The following ADCY1 variants were observed in gnomAD, a reference collection of about 807,000 sequenced individuals.
ADCY1 encodes adenylate cyclase 1.
Under a neutral mutation model 105.4 loss-of-function variants are expected in ADCY1, and 28 were observed. The observed-to-expected ratio is 0.27, with a 90% confidence interval of 0.20 to 0.36. The LOEUF is 0.36. Ranked by LOEUF, ADCY1 falls within the 10% of genes least tolerant of loss-of-function variation. The probability of loss-of-function intolerance (pLI) is 1.00; values close to 1 mark genes in which losing one functional copy is unlikely to be tolerated. For missense variants in ADCY1, 977 were observed against 1,434.2 expected, an observed-to-expected ratio of 0.68 and a Z score of 5.15; for synonymous variants, 655 against 623.8, an observed-to-expected ratio of 1.05 and a Z score of -0.75.
At chr7:45,637,419 T>C (rs944749005) in intron 4 of ADCY1, among the ~76,000 whole-genome samples, 5 of 152,260 alleles carry the variant, frequency 3.3e-5, no homozygotes, top group African/African-American at 1.2e-4. Context: ...TTGTGTTTTA[T>C]GTATCTGCCT....
At chr7:45,684,924 C>T (rs1238216045) in intron 11 of ADCY1, 55 bp from the exon 12 acceptor site, 19 of 1,505,364 alleles carry the variant, frequency 1.3e-5, no homozygotes, top group Admixed American at 3.3e-5. Context: ...TAACTGTGCA[C>T]GTGAATCACC....
intron 11 of ADCY1, among the ~76,000 whole-genome samples, chr7:45,681,609 C>T (rs977352951): frequency 6.6e-6 from 1 of 152,188 alleles, no homozygotes; most frequent in African/African-American, 2.4e-5. Context: ...GGATTCAGCT[C>T]ACAGCCAGTG....
intron 11 of ADCY1, among the ~76,000 whole-genome samples, chr7:45,681,547 A>G (rs1247542579): frequency 6.6e-6 from 1 of 152,180 alleles, no homozygotes; most frequent in African/African-American, 2.4e-5. Flanking sequence ...CTGTTGTGGA[A>G]GAAGCAGAGT....
rs943646432 is a variant in ADCY1 at position 45,622,552 on chromosome 7, A to G, written c.909-80A>G. 19 of 989,244 alleles carry G rather than the reference A, an allele frequency of 1.9e-5. No homozygotes were observed. The East Asian group carries it at 4.2e-4, about 22-fold the overall frequency. The allele number at this position is 989,244 out of a possible 1,614,324, so 61.3% of individuals were successfully genotyped here. A position where few individuals can be genotyped will look rare whatever the true frequency, so the allele number is the denominator to read the frequency against. ...TGATTGATTCTACAGTGATTTGGAGATGTAAACATCTGTACATCTCTAGGG... is the reference window on the plus strand; with the variant it reads ...TGATTGATTCTACAGTGATTTGGAGGTGTAAACATCTGTACATCTCTAGGG... On this transcript the variant is annotated intron_variant, in intron 3 of 19. Transcript: ENST00000297323.
rs147755613 is a variant in ADCY1 at position 45,721,437 on chromosome 7, T to C, written c.*7442T>C. 2.6e-6 allele frequency: 1 copy of C among 379,474 alleles called. No individual in the cohort carries two copies. The highest frequency in any genetic ancestry group is 2.1e-5 in the African/African-American group (1 of 48,476). The allele number at this position is 379,474 out of a possible 1,614,324, so 23.5% of individuals were successfully genotyped here. ...TGCGTCTAATTTCAAATATACAGAA[T>C]CTCCTTAAGAGCTGTTGCCTTATTT... On this transcript the variant is annotated 3_prime_UTR_variant, in exon 20 of 20. Coordinates refer to ENST00000297323, the MANE Select transcript of ADCY1 (RefSeq NM_021116.4).
At chr7:45,641,400 C>T (rs983346891) in intron 4 of ADCY1, among the ~76,000 whole-genome samples, 2 of 152,192 alleles carry the variant, frequency 1.3e-5, no homozygotes, top group African/African-American at 4.8e-5. Flanking sequence ...AATTCTCACC[C>T]GTAATGTAGC....
rs780863849 is a variant in ADCY1, at chr7:45,678,044, A to G, written c.1781A>G (p.His594Arg). Residue 594 changes from histidine to arginine, a missense_variant, in exon 9 of 20, where the codon CAT becomes CGT. Physicochemically the swap from His to Arg is conservative, Grantham distance 29 (BLOSUM62 0). This residue lies in a region of ADCY1 where 275 missense variants were observed against 362.1 expected (regional missense o/e 0.76). Coordinates refer to ENST00000297323, the MANE Select transcript of ADCY1 (RefSeq NM_021116.4). The stretch of plus-strand genomic sequence containing the variant: ...AACTTCTTTACCCTGAAGTACAAAC[A>G]TGTCGAACGGGAGCAAAAGGTAAGC... Reference protein sequence around the residue: ...DLNFFTLKYKHVEREQKYHQL... With the variant: ...DLNFFTLKYKRVEREQKYHQL... The G allele has an allele frequency of 1.9e-6, 3 of 1,614,000 alleles. No individual in the cohort carries two copies. Among genetic ancestry groups the G allele is most frequent in the Non-Finnish European group, 1.7e-6 (2 of 1,179,972 alleles).
In ADCY1 at chr7:45,686,633, T is replaced by C. The variant is rs1365332817; in HGVS notation, c.2414T>C (p.Val805Ala). The stretch of plus-strand genomic sequence containing the variant: ...GCGCTGGCCCTGCATGCCAGGCAGG[T>C]GGACATCAGGCTGAGGCTGGACTAC... ...SCALALHARQVDIRLRLDYLW... is the reference protein window; with the variant it reads ...SCALALHARQADIRLRLDYLW... Residue 805 changes from valine to alanine, a missense_variant, in exon 14 of 20, where the codon GTG (valine) becomes GCG (alanine). Physicochemically the swap from Val to Ala is moderately conservative, Grantham distance 64 (BLOSUM62 0). This residue lies in a region of ADCY1 where 152 missense variants were observed against 293.7 expected (regional missense o/e 0.52). Coordinates refer to ENST00000297323, the MANE Select transcript of ADCY1 (RefSeq NM_021116.4). The surrounding 1 kb of genome is among the most constrained non-coding windows in gnomAD (Gnocchi z 4.3). The C allele has an allele frequency of 6.2e-7, 1 of 1,613,238 alleles. No individual in the cohort carries two copies. Among genetic ancestry groups the C allele is most frequent in the African/African-American group, 1.3e-5 (1 of 75,010 alleles).
At chr7:45,617,929 T>A (rs1793783151) in intron 3 of ADCY1, among the ~76,000 whole-genome samples, 1 of 152,148 alleles carries the variant, frequency 6.6e-6, no homozygotes. Flanking sequence ...CAAAGCAATC[T>A]TGAGCAAAAA....
intron 4 of ADCY1, among the ~76,000 whole-genome samples, chr7:45,646,325 A>C (rs1404700380): frequency 6.6e-6 from 1 of 152,192 alleles, no homozygotes; most frequent in Non-Finnish European, 1.5e-5. Context: ...CCCACGCTGG[A>C]GTCCAGTGAA....
chr7:45,584,455 C>G (rs1003278685), intron 1 of ADCY1, among the ~76,000 whole-genome samples: 2 of 152,162 alleles, frequency 1.3e-5, no homozygotes, highest in Non-Finnish European at 2.9e-5. Flanking sequence ...AGAGGATGGC[C>G]CCTTCACAGC....
chr7:45,672,085 T>C lies in ADCY1; in HGVS notation c.1606-5784T>C, dbSNP rs566251304. On this transcript the variant is annotated intron_variant, in intron 8 of 19. Transcript: ENST00000297323. ...AATCTTATAGTTTTACATTTGATAG[T>C]TTATGATCCATTTTGAGTTCATTTT... is the stretch of plus-strand genomic sequence containing the variant. Among the ~76,000 whole-genome samples, 15 of 152,348 alleles carry C rather than the reference T, an allele frequency of 9.8e-5. No homozygotes were observed. In the South Asian group the frequency reaches 2.7e-3, roughly 27 times the overall value.
At position 45,632,615 on chromosome 7, in the gene ADCY1, G is replaced by A. The variant is rs1157102409; in HGVS notation, c.1020+9872G>A. On this transcript the variant is annotated intron_variant, in intron 4 of 19. Transcript: ENST00000297323. ...GTCTCTTTCTGTTACTCAGGCTGGA[G>A]TGTAGTGGTGTGATCACAGGTCATT... Among the ~76,000 whole-genome samples, 4 of 151,792 alleles carry A rather than the reference G, an allele frequency of 2.6e-5. No homozygotes were observed. The East Asian group carries it at 7.7e-4, about 29-fold the overall frequency.
chr7:45,677,942 C>G lies in ADCY1; in HGVS notation c.1679C>G (p.Thr560Ser). 1.9e-6 allele frequency: 3 copies of G among 1,614,214 alleles called. No homozygotes were observed. Among genetic ancestry groups the G allele is most frequent in the Non-Finnish European group, 2.5e-6 (3 of 1,180,046 alleles). Residue 560 changes from threonine (T) to serine (S), a missense_variant, in exon 9 of 20, where the codon ACC becomes AGC. Thr to Ser is a moderately conservative substitution (Grantham distance 58, BLOSUM62 1). Around this residue, in one of 7 missense-constraint regions of ADCY1, gnomAD observed 275 missense variants for 362.1 expected, o/e 0.76. Coordinates refer to ENST00000297323, the MANE Select transcript of ADCY1 (RefSeq NM_021116.4). ...SSFSTNVVYT[T>S]PGTRVNRYIS... ...TTTTCTACCAACGTTGTCTACACCA[C>G]CCCGGGCACTCGCGTCAACAGGTAC...
In ADCY1 at chr7:45,721,087, C is replaced by T. The variant is rs948216812; in HGVS notation, c.*7092C>T. 3 of 152,202 alleles carry T rather than the reference C, an allele frequency of 2.0e-5. No homozygotes were observed. Among genetic ancestry groups the T allele is most frequent in the Non-Finnish European group, 4.4e-5 (3 of 68,070 alleles). 9.4% of individuals were successfully genotyped at this position (152,202 alleles called of 1,614,324 possible). ...GATTTGTGTTGGTTTTGATGGAGAACTCTAGCTCATCCACATGCTAGTGCC... is the reference window on the plus strand; with the variant it reads ...GATTTGTGTTGGTTTTGATGGAGAATTCTAGCTCATCCACATGCTAGTGCC... On this transcript the variant is annotated 3_prime_UTR_variant, in exon 20 of 20. Coordinates refer to ENST00000297323, the MANE Select transcript of ADCY1 (RefSeq NM_021116.4).
At position 45,574,585 on chromosome 7, in the gene ADCY1, C is replaced by G. The variant is rs1792264748; in HGVS notation, c.42C>G (p.Gly14=). 2 of 1,026,800 alleles carry G rather than the reference C, an allele frequency of 1.9e-6. No homozygotes were observed. The highest frequency in any genetic ancestry group is 8.9e-5 in the South Asian group (2 of 22,392). 63.6% of individuals were successfully genotyped at this position (1,026,800 alleles called of 1,614,324 possible). The change falls in exon 1 of 20, where the codon GGC becomes GGG. Residue 14 remains glycine (G), a synonymous_variant. Transcript: ENST00000297323. The surrounding 1 kb of genome is among the most constrained non-coding windows in gnomAD (Gnocchi z 7.0). ...GCGGCGGAGGCGGCGGCGGAGGCGG[C>G]GCGGGCGAGCCCGGGGGCGCCGAGC... The part of the protein sequence containing the change: ...APRGGGGGGG[G]AGEPGGAERA...
chr7:45,703,759 G>A lies in ADCY1; in HGVS notation c.2718+13G>A, dbSNP rs767627649. 4.5e-5 allele frequency: 70 copies of A among 1,559,752 alleles called. No homozygotes were observed. The highest frequency in any genetic ancestry group is 3.5e-4 in the Middle Eastern group (2 of 5,782). ...CGACTTTGACGAGGTGAGGCTGTGC[G>A]TCGCCATCCTGACCCCGCCTGGTTG... is the stretch of plus-strand genomic sequence containing the variant. On this transcript the variant is annotated intron_variant, in intron 16 of 19. Coordinates refer to ENST00000297323, the MANE Select transcript of ADCY1 (RefSeq NM_021116.4). This position sits in a 1 kb window ranked among gnomAD's most constrained non-coding sequence, Gnocchi z 5.9.
rs1462513444 is a variant in ADCY1, at chr7:45,591,971, G to A, written c.640-788G>A. Among the ~76,000 whole-genome samples, 2 of 152,130 alleles carry A rather than the reference G, an allele frequency of 1.3e-5. No homozygotes were observed. The highest frequency in any genetic ancestry group is 2.4e-5 in the African/African-American group (1 of 41,418). ...AGGACTAAGGGAGAGTGCAGAGACC[G>A]GGCTCTGGACACTGCGTTTCCCCAT... On this transcript the variant is annotated intron_variant, in intron 1 of 19. Transcript: ENST00000297323. This position sits in a 1 kb window ranked among gnomAD's most constrained non-coding sequence, Gnocchi z 4.1.
At chr7:45,637,418 A>G (rs1794418971) in intron 4 of ADCY1, among the ~76,000 whole-genome samples, 1 of 152,072 alleles carries the variant, frequency 6.6e-6, no homozygotes, top group Non-Finnish European at 1.5e-5. Flanking sequence ...TTTGTGTTTT[A>G]TGTATCTGCC....
Sources: allele counts gnomAD v4.1 joint callset (sites outside exome capture counted in the v4.1 genomes callset), GRCh38; gene constraint gnomAD v4.1.1; regional missense constraint gnomAD v4.1.1; non-coding constraint Gnocchi (gnomAD v3.1); transcripts MANE v1.5; gene names NCBI Gene and HGNC (gene_info 2026-07-23, HGNC 2026-07-21).